IL17RB: variants seen among roughly 807,000 people sequenced by gnomAD.
The protein encoded by IL17RB is interleukin-17 receptor B.
In IL17RB, 36 loss-of-function variants were observed where a neutral mutation model predicts 43.9. That is an observed-to-expected ratio of 0.82 (90% CI 0.63 to 1.08). The LOEUF (loss-of-function observed/expected upper bound fraction) is 1.08. Among genes scored for constraint, IL17RB ranks in the 50% least tolerant of loss-of-function variants. The pLI is 0.00. For synonymous variants in IL17RB, 225 were observed against 225.4 expected, an observed-to-expected ratio of 1.00 and a Z score of 0.02; for missense variants, 613 against 613.6, an observed-to-expected ratio of 1.00 and a Z score of 0.01.
chr3:53,857,553 G>A, intron 7 of IL17RB, 63 bp from the exon 8 acceptor site: 3 of 1,468,096 alleles, frequency 2.0e-6, no homozygotes, highest in East Asian at 2.3e-5. Context: ...CCAAAGTGTT[G>A]GGATTACAGG....
intron 2 of IL17RB, among the ~76,000 whole-genome samples, chr3:53,849,021 A>G (rs1005012360): frequency 1.3e-5 from 2 of 152,214 alleles, no homozygotes; most frequent in African/African-American, 4.8e-5. Flanking sequence ...AATGTTTCAT[A>G]GGAGAGCGGG....
chr3:53,860,906 A>T (rs898312277), intron 10 of IL17RB: 1 of 152,234 alleles, frequency 6.6e-6, no homozygotes, highest in African/African-American at 2.4e-5. Flanking sequence ...AAACACACAC[A>T]TACCAACTGT....
intron 10 of IL17RB, among the ~76,000 whole-genome samples, chr3:53,861,886 G>C (rs1699576949): frequency 6.6e-6 from 1 of 152,184 alleles, no homozygotes; most frequent in Admixed American, 6.5e-5. Context: ...AGGAAGAGAA[G>C]CATGCATCAG....
Position 53,858,797 on chromosome 3 carries a change from G to A in IL17RB, c.826G>A (p.Val276Ile), listed in dbSNP as rs149160066. Residue 276 changes from valine to isoleucine, a missense_variant, in exon 9 of 11, where the codon GTC (valine) becomes ATC (isoleucine). Physicochemically the swap from Val to Ile is conservative, Grantham distance 29 (BLOSUM62 3). Coordinates refer to ENST00000288167, the MANE Select transcript of IL17RB (RefSeq NM_018725.4). Reference protein sequence around the residue: ...GTVVLCPQTGVPFPLDNNKSK... With the variant: ...GTVVLCPQTGIPFPLDNNKSK... ...AGTTGTGCTCTGCCCACAAACAGGC[G>A]TCCCTTTCCCTCTGGATAACAGTAA... 125 of 1,613,872 alleles carry A rather than the reference G, an allele frequency of 7.7e-5. No individual in the cohort carries two copies. The highest frequency in any genetic ancestry group is 3.7e-4 in the African/African-American group (28 of 74,896).
At chr3:53,861,047 G>A (rs556654455) in intron 10 of IL17RB, 2 of 152,306 alleles carry the variant, frequency 1.3e-5, no homozygotes, top group South Asian at 2.1e-4. Context: ...TGTTGCTACT[G>A]TGGTGAGCTC....
intron 3 of IL17RB, among the ~76,000 whole-genome samples, chr3:53,851,577 A>G (rs1013264511): frequency 2.0e-5 from 3 of 152,182 alleles, no homozygotes. Flanking sequence ...ATCAGCATGG[A>G]TAAAGGTGCA....
In IL17RB at chr3:53,865,201, C is replaced by G. The variant is rs772985238; in HGVS notation, c.1402C>G (p.Leu468Val). 7 of 1,614,052 alleles carry G rather than the reference C, an allele frequency of 4.3e-6. No individual in the cohort carries two copies. The East Asian group carries it at 1.3e-4, about 31-fold the overall frequency. Residue 468 changes from leucine (L) to valine (V), a missense_variant, in exon 11 of 11, where the codon CTC (leucine) becomes GTC (valine). Coordinates refer to ENST00000288167, the MANE Select transcript of IL17RB (RefSeq NM_018725.4). ...NALSVCPKYHLMKDATAFCAE... is the reference protein window; with the variant it reads ...NALSVCPKYHVMKDATAFCAE... The stretch of plus-strand genomic sequence containing the variant: ...TCTCAGTGTCTGCCCCAAGTACCAC[C>G]TCATGAAGGATGCCACTGCTTTCTG...
chr3:53,847,415 T>C (rs1698954038), intron 1 of IL17RB, among the ~76,000 whole-genome samples: 1 of 151,688 alleles, frequency 6.6e-6, no homozygotes, highest in South Asian at 2.1e-4. Context: ...TGGTAGCATT[T>C]AGGGTTGTTG....
At chr3:53,854,006 C>T (rs567065094) in intron 5 of IL17RB, among the ~76,000 whole-genome samples, 21 of 152,244 alleles carry the variant, frequency 1.4e-4, no homozygotes, top group African/African-American at 5.1e-4. Flanking sequence ...AAGTGATTCT[C>T]CTGCCTCAGC....
At chr3:53,858,895 G>A (rs1699454092) in intron 9 of IL17RB, 77 bp downstream of exon 9, 1 of 1,206,068 alleles carries the variant, frequency 8.3e-7, no homozygotes, top group East Asian at 2.4e-5. Flanking sequence ...GTATGTGGAA[G>A]GGTTGTGTGT....
intron 5 of IL17RB, among the ~76,000 whole-genome samples, chr3:53,853,355 A>G (rs1250820451): frequency 6.6e-6 from 1 of 152,258 alleles, no homozygotes; most frequent in Admixed American, 6.5e-5. Context: ...ATAAAAGTGA[A>G]GCTGACATTC....
rs375706507 is a variant in IL17RB, at chr3:53,852,035, T to C, written c.263T>C (p.Val88Ala). ...TTGTTGAAGGCCACCAAGATTTGTGTGACGGGCAAAAGCAACTTCCAGTCC... is the reference window on the plus strand; with the variant it reads ...TTGTTGAAGGCCACCAAGATTTGTGCGACGGGCAAAAGCAACTTCCAGTCC... Reference protein sequence around the residue: ...IRLLKATKICVTGKSNFQSYS... With the variant: ...IRLLKATKICATGKSNFQSYS... Residue 88 changes from valine (V) to alanine (A), a missense_variant, in exon 4 of 11, where the codon GTG becomes GCG. Val to Ala is a moderately conservative substitution (Grantham distance 64, BLOSUM62 0). Transcript: ENST00000288167. 6.2e-6 allele frequency: 10 copies of C among 1,614,040 alleles called. No individual in the cohort carries two copies. The highest frequency in any genetic ancestry group is 1.3e-5 in the African/African-American group (1 of 74,920).
Position 53,858,813 on chromosome 3 carries a change from A to AT in IL17RB, c.843dup (p.Asn282Ter), listed in dbSNP as rs1392286148. ...CAAACAGGCGTCCCTTTCCCTCTGG[A>AT]TAACAGTAAGTGCCCAGTAACTTCA... On this transcript the variant is annotated frameshift_variant, in exon 9 of 11. Coordinates refer to ENST00000288167, the MANE Select transcript of IL17RB (RefSeq NM_018725.4). LOFTEE classifies it high-confidence loss of function. 4 of 1,613,100 alleles carry AT rather than the reference A, an allele frequency of 2.5e-6. No individual in the cohort carries two copies. Among genetic ancestry groups the AT allele is most frequent in the Non-Finnish European group, 3.4e-6 (4 of 1,179,220 alleles).
intron 3 of IL17RB, 151 bp downstream of exon 3, chr3:53,849,946 A>G (rs951790870): frequency 3.0e-5 from 18 of 597,978 alleles, no homozygotes; most frequent in South Asian, 1.3e-4. Flanking sequence ...TGATCGCAGT[A>G]GCACTACTTA....
In IL17RB at chr3:53,860,273, AT is replaced by A. The variant is rs756960697; in HGVS notation, c.946+49del. ...AAAGACATCCTAGTAAGGAAATAAC[AT>A]TTTGAATTTTTTTTTAAAGAAGATT... is the stretch of plus-strand genomic sequence containing the variant. On this transcript the variant is annotated intron_variant, in intron 10 of 10. Coordinates refer to ENST00000288167, the MANE Select transcript of IL17RB (RefSeq NM_018725.4). 11 of 1,501,592 alleles carry A rather than the reference AT, an allele frequency of 7.3e-6. 1 individual carries two copies. The South Asian group carries it at 1.2e-4, about 16-fold the overall frequency. The allele number at this position is 1,501,592 out of a possible 1,614,324, so 93.0% of individuals were successfully genotyped here. A position where few individuals can be genotyped will look rare whatever the true frequency, so the allele number is the denominator to read the frequency against.
chr3:53,848,043 C>T (rs1375838480), intron 1 of IL17RB, among the ~76,000 whole-genome samples: 1 of 152,190 alleles, frequency 6.6e-6, no homozygotes, highest in Non-Finnish European at 1.5e-5. Flanking sequence ...TATTCCAGAA[C>T]CAAAGCACAA....
intron 5 of IL17RB, among the ~76,000 whole-genome samples, chr3:53,855,061 G>C (rs945284324): frequency 2.8e-5 from 4 of 143,816 alleles, no homozygotes; most frequent in African/African-American, 1.0e-4. Context: ...AGCTAGCAGT[G>C]AGCTGAGATT....
intron 4 of IL17RB, among the ~76,000 whole-genome samples, chr3:53,852,463 G>T (rs1051175103): frequency 3.3e-5 from 5 of 152,134 alleles, no homozygotes; most frequent in Non-Finnish European, 7.3e-5. Flanking sequence ...TTGGCTAATT[G>T]TTGCTGAAAG....
chr3:53,864,410 C>T (rs1699697742), intron 10 of IL17RB, among the ~76,000 whole-genome samples: 1 of 152,106 alleles, frequency 6.6e-6, no homozygotes, highest in Non-Finnish European at 1.5e-5. Context: ...TGGCGGGCGC[C>T]TGTAGTCCCA....
Sources: gnomAD v4.1 joint callset for allele counts (sites outside exome capture counted in the v4.1 genomes callset) on GRCh38, gnomAD v4.1.1 for gene constraint, MANE v1.5 for transcripts, NCBI Gene and HGNC (gene_info 2026-07-23, HGNC 2026-07-21) for gene names.